Variants in CHRM3 observed in about 807,000 individuals in gnomAD.
CHRM3 encodes muscarinic acetylcholine receptor M3.
A neutral mutation model predicts 41.8 loss-of-function variants in CHRM3; 11 were observed. The ratio of observed to expected loss-of-function variants is 0.26; its 90% CI spans 0.17 to 0.44. The LOEUF is 0.44. CHRM3 is among the 20% of genes least tolerant of loss of function. The probability of loss-of-function intolerance (pLI) is 1.00; values close to 1 mark genes in which losing one functional copy is unlikely to be tolerated. For synonymous variants in CHRM3, 297 were observed against 301.4 expected (o/e 0.99, Z 0.15); for missense variants, 571 against 745.4 (o/e 0.77, Z 2.72).
chr1:239,711,512 AATT>A (rs1368699110), intron 5 of CHRM3, among the ~76,000 whole-genome samples: 1 of 151,884 alleles, frequency 6.6e-6, no homozygotes, highest in Non-Finnish European at 1.5e-5. Flanking sequence ...AGAAATAATA[AATT>A]ATTGTTATTT....
At chr1:239,433,222 T>A (rs1447320283) in intron 1 of CHRM3, among the ~76,000 whole-genome samples, 1 of 152,174 alleles carries the variant, frequency 6.6e-6, no homozygotes, top group East Asian at 1.9e-4. Context: ...GATACTAGAT[T>A]TTTATACTAA....
chr1:239,748,272 A>G lies in CHRM3; in HGVS notation c.-147+69984A>G. ...CTGCTTTTTATCATTAATTCTCATT[A>G]TGGGATTCACATTCCTCATTTTTTG... On this transcript the variant is annotated intron_variant, in intron 5 of 6. Coordinates refer to ENST00000676153, the MANE Select transcript of CHRM3 (RefSeq NM_001375978.1). This position sits in a 1 kb window ranked among gnomAD's most constrained non-coding sequence, Gnocchi z 4.3. Among the ~76,000 whole-genome samples the G allele has an allele frequency of 6.6e-6, 1 of 152,188 alleles. No individual in the cohort carries two copies. Among genetic ancestry groups the G allele is most frequent in the South Asian group, 2.1e-4 (1 of 4,834 alleles).
intron 5 of CHRM3, among the ~76,000 whole-genome samples, chr1:239,745,246 C>T (rs1039967375): frequency 1.3e-4 from 20 of 152,000 alleles, no homozygotes; most frequent in Non-Finnish European, 1.9e-4. Context: ...CTGGCAGCAT[C>T]GTGAAGGTTA....
chr1:239,645,954 A>G (rs571811299), intron 4 of CHRM3, among the ~76,000 whole-genome samples: 2 of 152,312 alleles, frequency 1.3e-5, no homozygotes, highest in East Asian at 3.9e-4. Context: ...CTTACAGTGA[A>G]AAAGTTTTGG....
At chr1:239,701,151 T>C (rs1450282070) in intron 5 of CHRM3, among the ~76,000 whole-genome samples, 2 of 152,220 alleles carry the variant, frequency 1.3e-5, no homozygotes, top group African/African-American at 4.8e-5. Flanking sequence ...CTCTTTTACT[T>C]GTGCAGTTAA....
At chr1:239,451,928 T>G (rs1436520332) in intron 1 of CHRM3, among the ~76,000 whole-genome samples, 1 of 152,182 alleles carries the variant, frequency 6.6e-6, no homozygotes, top group Non-Finnish European at 1.5e-5. Context: ...GCAATATATT[T>G]TTAAATAAAA....
intron 2 of CHRM3, among the ~76,000 whole-genome samples, chr1:239,503,366 A>ACTCTT (rs1668365983): frequency 6.6e-6 from 1 of 152,120 alleles, no homozygotes; most frequent in African/African-American, 2.4e-5. Flanking sequence ...AGGAGGTGAA[A>ACTCTT]GACCTCTACA....
chr1:239,650,014 T>A (rs766587070), intron 4 of CHRM3, among the ~76,000 whole-genome samples: 3 of 152,140 alleles, frequency 2.0e-5, no homozygotes, highest in Non-Finnish European at 4.4e-5. Context: ...GAGCTCAGGG[T>A]CTTTGATCTC....
At chr1:239,411,191 A>G (rs1296807634) in intron 1 of CHRM3, among the ~76,000 whole-genome samples, 1 of 152,194 alleles carries the variant, frequency 6.6e-6, no homozygotes, top group East Asian at 1.9e-4. Context: ...TGGGACAGAA[A>G]CAGTGGCAGG....
chr1:239,438,752 G>T (rs1663470579), intron 1 of CHRM3, among the ~76,000 whole-genome samples: 1 of 152,100 alleles, frequency 6.6e-6, no homozygotes, highest in African/African-American at 2.4e-5. Context: ...GAGGCTTTCT[G>T]ATAAGTGTGC....
chr1:239,458,305 C>T (rs1297949097), intron 1 of CHRM3, among the ~76,000 whole-genome samples: 1 of 151,936 alleles, frequency 6.6e-6, no homozygotes, highest in Non-Finnish European at 1.5e-5. Flanking sequence ...ACTGTGTTTC[C>T]AGGCATACTG....
At position 239,784,941 on chromosome 1, in the gene CHRM3, A is replaced by G. The variant is rs567191344; in HGVS notation, c.-146-42311A>G. ...GCTTTTTAGTTCTTTCATTTCTTAC[A>G]AGATTTGCATACCAAATTGTTAATT... On this transcript the variant is annotated intron_variant, in intron 5 of 6. Coordinates refer to ENST00000676153, the MANE Select transcript of CHRM3 (RefSeq NM_001375978.1). Among the ~76,000 whole-genome samples, 16 of 152,284 alleles carry G rather than the reference A, an allele frequency of 1.1e-4. No individual in the cohort carries two copies. In the South Asian group the frequency reaches 3.3e-3, roughly 32 times the overall value.
intron 3 of CHRM3, among the ~76,000 whole-genome samples, chr1:239,547,401 G>T (rs10925913): frequency 0.65 from 98,249 of 152,134 alleles, 37,524 homozygotes; most frequent in Non-Finnish European, 0.83. Flanking sequence ...TAATATGGAC[G>T]AGTGTTTGGG....
chr1:239,724,025 G>A (rs538480775), intron 5 of CHRM3, among the ~76,000 whole-genome samples: 1 of 151,572 alleles, frequency 6.6e-6, no homozygotes, highest in African/African-American at 2.4e-5. Context: ...ACAGCCTCTG[G>A]TATTCTCAAA....
At chr1:239,785,960 C>T (rs1189998576) in intron 5 of CHRM3, among the ~76,000 whole-genome samples, 3 of 152,090 alleles carry the variant, frequency 2.0e-5, no homozygotes, top group African/African-American at 7.2e-5. Context: ...ATGTGTAGTA[C>T]ATATGGGTAT....
chr1:239,605,911 G>T (rs1239762154), intron 3 of CHRM3: 1 of 152,084 alleles, frequency 6.6e-6, no homozygotes, highest in Non-Finnish European at 1.5e-5. Flanking sequence ...TTTCCAAGGG[G>T]GTTCTCTGGG....
intron 5 of CHRM3, among the ~76,000 whole-genome samples, chr1:239,824,016 G>A (rs973350039): frequency 2.0e-5 from 3 of 152,020 alleles, no homozygotes; most frequent in Admixed American, 2.0e-4. Context: ...TTCCCCGTGT[G>A]CCTGTGGCTG....
At chr1:239,398,792 G>A (rs1659713239) in intron 1 of CHRM3, among the ~76,000 whole-genome samples, 1 of 152,048 alleles carries the variant, frequency 6.6e-6, no homozygotes, top group Non-Finnish European at 1.5e-5. Context: ...GTTTTGCTTG[G>A]TTTTTCTGTA....
At chr1:239,416,368 A>G (rs749768165) in intron 1 of CHRM3, among the ~76,000 whole-genome samples, 4 of 152,044 alleles carry the variant, frequency 2.6e-5, no homozygotes, top group Non-Finnish European at 5.9e-5. Context: ...GAACAATAAT[A>G]CTACTCTCGG....
Sources: allele counts gnomAD v4.1 joint callset (sites outside exome capture counted in the v4.1 genomes callset), GRCh38; gene constraint gnomAD v4.1.1; non-coding constraint Gnocchi (gnomAD v3.1); transcripts MANE v1.5; gene names NCBI Gene and HGNC (gene_info 2026-07-23, HGNC 2026-07-21).